Variants in ZMYND8 observed in about 807,000 individuals in gnomAD.
ZMYND8 encodes zinc finger MYND-type containing 8, also known as MYND-type zinc finger-containing chromatin reader ZMYND8.
Under a neutral mutation model 140.8 loss-of-function variants are expected in ZMYND8, and 37 were observed. The ratio of observed to expected loss-of-function variants is 0.26; its 90% CI spans 0.20 to 0.35. The LOEUF is 0.35. Ranked by LOEUF, ZMYND8 falls within the 10% of genes least tolerant of loss-of-function variation. ZMYND8 has a pLI of 1.00. For missense variants in ZMYND8, 1,068 were observed against 1,570.0 expected, an observed-to-expected ratio of 0.68 and a Z score of 5.40; for synonymous variants, 592 against 597.1, an observed-to-expected ratio of 0.99 and a Z score of 0.12.
intron 8 of ZMYND8, chr20:47,285,921 T>A: frequency 1.2e-6 from 1 of 849,442 alleles, no homozygotes; most frequent in Non-Finnish European, 1.4e-6. Context: ...CCGGGCTTGG[T>A]GGCTGAGGCC....
rs569393585 is a variant in ZMYND8, at chr20:47,255,486, A to G, written c.1622-6047T>C. 2.7e-5 allele frequency among the ~76,000 whole-genome samples: 4 copies of G among 150,940 alleles called. No individual in the cohort carries two copies. In the South Asian group the frequency reaches 8.4e-4, roughly 32 times the overall value. On this transcript the variant is annotated intron_variant, in intron 12 of 22. Transcript: ENST00000471951. The stretch of plus-strand genomic sequence containing the variant: ...CACTTTGGGAAGCCGAGGTGGAGAT[A>G]TAAATATATATATCCACCATATACA...
intron 2 of ZMYND8, among the ~76,000 whole-genome samples, chr20:47,315,948 T>C (rs2079358578): frequency 6.6e-6 from 1 of 152,164 alleles, no homozygotes; most frequent in Non-Finnish European, 1.5e-5. Context: ...GGAAAACAGC[T>C]TGGCATGGAG....
chr20:47,249,165 T>C, intron 13 of ZMYND8, 122 bp downstream of exon 13: 1 of 1,208,826 alleles, frequency 8.3e-7, no homozygotes, highest in Non-Finnish European at 1.1e-6. Context: ...AGCAAATAGT[T>C]GAAAGTTAAA....
chr20:47,305,278 G>A lies in ZMYND8; in HGVS notation c.234+4778C>T, dbSNP rs1356748510. Among the ~76,000 whole-genome samples the A allele has an allele frequency of 8.0e-5, 12 of 149,926 alleles. No homozygotes were observed. In the East Asian group the frequency reaches 2.0e-3, roughly 24 times the overall value. ...TTTCTTTTTTCTGAGACAGAGTCTCGCTCTGTCACCCAGGCTGGAGTGCAG... is the reference window on the plus strand; with the variant it reads ...TTTCTTTTTTCTGAGACAGAGTCTCACTCTGTCACCCAGGCTGGAGTGCAG... On this transcript the variant is annotated intron_variant, in intron 3 of 22. Transcript: ENST00000471951.
chr20:47,255,312 G>A (rs2074509942), intron 12 of ZMYND8, among the ~76,000 whole-genome samples: 1 of 151,860 alleles, frequency 6.6e-6, no homozygotes, highest in African/African-American at 2.4e-5. Context: ...GGCCTTTCAT[G>A]AAATGTCCTG....
chr20:47,348,254 G>C (rs928194579), intron 1 of ZMYND8: 1 of 355,004 alleles, frequency 2.8e-6, no homozygotes, highest in Non-Finnish European at 5.3e-6. Context: ...AAATAAACAA[G>C]CTTCTCATTG....
chr20:47,215,672 T>A (rs1363301895), intron 21 of ZMYND8, among the ~76,000 whole-genome samples: 1 of 152,104 alleles, frequency 6.6e-6, no homozygotes, highest in East Asian at 1.9e-4. Context: ...AGCTCTAGAA[T>A]AACAACCCTT....
chr20:47,332,655 A>G (rs181100509), intron 2 of ZMYND8, among the ~76,000 whole-genome samples: 18 of 152,304 alleles, frequency 1.2e-4, no homozygotes, highest in African/African-American at 3.9e-4. Flanking sequence ...GGCTGCAGTG[A>G]GCGAGGATCA....
At chr20:47,217,045 T>G (rs1465172202) in intron 21 of ZMYND8, among the ~76,000 whole-genome samples, 1 of 152,064 alleles carries the variant, frequency 6.6e-6, no homozygotes, top group African/African-American at 2.4e-5. Flanking sequence ...AAGGTGAGGT[T>G]TTGCCAAATG....
intron 1 of ZMYND8, chr20:47,354,469 T>A (rs748970032): frequency 6.6e-6 from 1 of 152,186 alleles, no homozygotes; most frequent in Non-Finnish European, 1.5e-5. Context: ...AACTTACTTG[T>A]TTGGGGCAGT....
Position 47,210,399 on chromosome 20 carries a change from T to G in ZMYND8, c.*362A>C. ...AATACCAAAACATTCTTTTTTGTTG[T>G]TGGGGTTGGTTGCTTTTTTTTTTTT... is the stretch of plus-strand genomic sequence containing the variant. On this transcript the variant is annotated 3_prime_UTR_variant, in exon 23 of 23. Transcript: ENST00000471951. The G allele has an allele frequency of 5.7e-6, 1 of 176,160 alleles. No homozygotes were observed. The allele number at this position is 176,160 out of a possible 1,614,324, so 10.9% of individuals were successfully genotyped here. A position where few individuals can be genotyped will look rare whatever the true frequency, so the allele number is the denominator to read the frequency against.
At chr20:47,254,296 T>C (rs983085912) in intron 12 of ZMYND8, among the ~76,000 whole-genome samples, 2 of 152,222 alleles carry the variant, frequency 1.3e-5, no homozygotes, top group African/African-American at 4.8e-5. Flanking sequence ...ACCACCTCTT[T>C]AGAGGGCAGT....
chr20:47,338,659 C>A (rs1027481566), intron 2 of ZMYND8, among the ~76,000 whole-genome samples: 1 of 152,128 alleles, frequency 6.6e-6, no homozygotes, highest in South Asian at 2.1e-4. Context: ...GAAGCTACCA[C>A]CACCGCCACT....
chr20:47,275,309 T>A (rs1474347093), intron 11 of ZMYND8, among the ~76,000 whole-genome samples: 1 of 152,044 alleles, frequency 6.6e-6, no homozygotes, highest in Non-Finnish European at 1.5e-5. Flanking sequence ...CAGGCCAACA[T>A]GGTGAAACCC....
At chr20:47,227,367 AG>A in intron 17 of ZMYND8, 86 bp from the exon 18 acceptor site, 1 of 1,306,196 alleles carries the variant, frequency 7.7e-7, no homozygotes, top group Non-Finnish European at 1.1e-6. Context: ...GCTGGCTGTG[AG>A]GGGTATGGGA....
chr20:47,268,709 G>A (rs571310592), intron 11 of ZMYND8, among the ~76,000 whole-genome samples: 874 of 1,788 alleles, frequency 0.49, 43 homozygotes, highest in East Asian at 0.53. Context: ...CCTGGGATGC[G>A]GAGGTGGCGA....
Position 47,291,985 on chromosome 20 carries a change from T to C in ZMYND8, c.568-97A>G, listed in dbSNP as rs1473552920. ...AAGGCTTGAAAAATTGAGACAACTT[T>C]TCAGACAATATAGTTCTAAAGTTTT... is the stretch of plus-strand genomic sequence containing the variant. On this transcript the variant is annotated intron_variant, in intron 5 of 22. Transcript: ENST00000471951. 1.0e-5 allele frequency: 11 copies of C among 1,066,120 alleles called. No individual in the cohort carries two copies. The East Asian group carries it at 2.1e-4, about 21-fold the overall frequency. 66.0% of individuals were successfully genotyped at this position (1,066,120 alleles called of 1,614,324 possible).
At chr20:47,212,584 G>A in intron 22 of ZMYND8, 58 bp downstream of exon 22, 1 of 1,571,624 alleles carries the variant, frequency 6.4e-7, no homozygotes, top group Non-Finnish European at 8.8e-7. Flanking sequence ...CACAGAACAA[G>A]CCTTCTGCAT....
chr20:47,234,875 C>A (rs2039003303), intron 16 of ZMYND8, among the ~76,000 whole-genome samples: 1 of 152,104 alleles, frequency 6.6e-6, no homozygotes, highest in African/African-American at 2.4e-5. Flanking sequence ...TGTGGTGGCT[C>A]ACACCTGTAA....
Sources: allele counts gnomAD v4.1 joint callset (sites outside exome capture counted in the v4.1 genomes callset), GRCh38; gene constraint gnomAD v4.1.1; transcripts MANE v1.5; gene names NCBI Gene and HGNC (gene_info 2026-07-23, HGNC 2026-07-21).